Variants in CCDC27 observed in about 807,000 individuals in gnomAD.
CCDC27 encodes coiled-coil domain-containing protein 27.
CCDC27 carries 80 observed loss-of-function variants against 80.3 expected under a neutral mutation model. That is an observed-to-expected ratio of 1.00 (90% CI 0.83 to 1.20). CCDC27 has a LOEUF of 1.20. CCDC27 is among the 50% of genes most tolerant of loss of function. CCDC27 has a pLI of 0.00. For missense variants in CCDC27, 815 were observed against 809.4 expected, an observed-to-expected ratio of 1.01 and a Z score of -0.08; for synonymous variants, 342 against 334.3, an observed-to-expected ratio of 1.02 and a Z score of -0.25.
rs1279174777 is a variant in CCDC27, at chr1:3,763,862, C to T, written c.1452+26C>T. 1 of 1,609,844 alleles carries T rather than the reference C, an allele frequency of 6.2e-7. No individual in the cohort carries two copies. The highest frequency in any genetic ancestry group is 8.5e-7 in the Non-Finnish European group (1 of 1,177,306). ...GTGGCCGTGCGCTCAGTACCGGCCT[C>T]CGCTCCATGAGCATGGGCCCCAGGC... On this transcript the variant is annotated intron_variant, in intron 8 of 11. Transcript: ENST00000294600. This position sits in a 1 kb window ranked among gnomAD's most constrained non-coding sequence, Gnocchi z 7.5.
intron 3 of CCDC27, 99 bp from the exon 4 acceptor site, chr1:3,756,634 G>A (rs373078456): frequency 1.1e-5 from 14 of 1,322,876 alleles, no homozygotes; most frequent in South Asian, 2.6e-5. Flanking sequence ...AGGGGTTTCC[G>A]AGGGAAGTCT....
At position 3,752,566 on chromosome 1, in the gene CCDC27, T is replaced by TCCACATTCAGGC. The variant is rs746254354; in HGVS notation, c.86_97dup (p.Arg32_Gln33insProThrPheArg). ...AAAGCCGGGCCTGTCCTCATTCAGG[T>TCCACATTCAGGC]CCACATTCAGGCAACAAAGCTCACT... On this transcript the variant is annotated inframe_insertion, in exon 1 of 12. Transcript: ENST00000294600. 5 of 1,614,094 alleles carry TCCACATTCAGGC rather than the reference T, an allele frequency of 3.1e-6. No individual in the cohort carries two copies. The East Asian group carries it at 1.1e-4, about 36-fold the overall frequency.
At chr1:3,765,618 CTT>C (rs377129374) in intron 8 of CCDC27, among the ~76,000 whole-genome samples, 114 of 152,268 alleles carry the variant, frequency 7.5e-4, no homozygotes, top group African/African-American at 2.7e-3. Flanking sequence ...GAAGCGCACT[CTT>C]GTTTGGCTTC....
At chr1:3,757,165 A>G (rs1405827291) in intron 4 of CCDC27, 5 of 297,072 alleles carry the variant, frequency 1.7e-5, no homozygotes, top group Non-Finnish European at 3.2e-5. Context: ...TTGCACCCAC[A>G]GTATCTGCTT....
At chr1:3,767,519 C>A in intron 10 of CCDC27, 74 bp downstream of exon 10, 1 of 1,360,634 alleles carries the variant, frequency 7.3e-7, no homozygotes, top group Non-Finnish European at 1.0e-6. Context: ...TGCCCACCGC[C>A]CACCGAGGTA....
intron 11 of CCDC27, 106 bp from the exon 12 acceptor site, chr1:3,771,295 A>G: frequency 7.2e-7 from 1 of 1,389,088 alleles, no homozygotes; most frequent in Non-Finnish European, 1.0e-6. Context: ...CTGGAGGAGG[A>G]GGAGAGGGTG....
At position 3,754,232 on chromosome 1, in the gene CCDC27, T is replaced by C; in HGVS notation, c.433T>C (p.Ser145Pro). 1.2e-6 allele frequency: 2 copies of C among 1,606,670 alleles called. No individual in the cohort carries two copies. The highest frequency in any genetic ancestry group is 1.7e-6 in the Non-Finnish European group (2 of 1,176,752). ...PQFSTRATSM[S>P]HCGSPTEADL... Reference sequence around the variant, plus strand: ...GTTCAGCACCAGGGCCACATCCATGTCCCACTGTGGTAAGAGCCCCCCACC... The same window carrying C: ...GTTCAGCACCAGGGCCACATCCATGCCCCACTGTGGTAAGAGCCCCCCACC... The change falls in exon 2 of 12, where the codon TCC becomes CCC. Residue 145 changes from serine to proline, a missense_variant. By Grantham distance (74) the Ser-to-Pro change is moderately conservative. Coordinates refer to ENST00000294600, the MANE Select transcript of CCDC27 (RefSeq NM_152492.3).
At chr1:3,755,765 C>T in intron 3 of CCDC27, 198 bp downstream of exon 3, 1 of 580,150 alleles carries the variant, frequency 1.7e-6, no homozygotes, top group Non-Finnish European at 3.1e-6. Context: ...GGCTGCAGTC[C>T]CCCCAGGACC....
intron 8 of CCDC27, among the ~76,000 whole-genome samples, chr1:3,764,339 G>A (rs183134811): frequency 1.2e-3 from 178 of 152,032 alleles, no homozygotes; most frequent in African/African-American, 4.1e-3. Context: ...CCTCTCATTC[G>A]CCCTCTCCTA....
At position 3,763,943 on chromosome 1, in the gene CCDC27, G is replaced by T. The variant is rs1643162790; in HGVS notation, c.1452+107G>T. 3 of 1,474,442 alleles carry T rather than the reference G, an allele frequency of 2.0e-6. No individual in the cohort carries two copies. Among genetic ancestry groups the T allele is most frequent in the Non-Finnish European group, 2.7e-6 (3 of 1,104,400 alleles). 91.3% of individuals were successfully genotyped at this position (1,474,442 alleles called of 1,614,324 possible). A position where few individuals can be genotyped will look rare whatever the true frequency, so the allele number is the denominator to read the frequency against. ...GCTGCCCGTCCCATCTACTGATGGA[G>T]ACTTTGAGCCTGGGGTGTCCAGGCA... On this transcript the variant is annotated intron_variant, in intron 8 of 11. Coordinates refer to ENST00000294600, the MANE Select transcript of CCDC27 (RefSeq NM_152492.3). This position sits in a 1 kb window ranked among gnomAD's most constrained non-coding sequence, Gnocchi z 7.5.
intron 4 of CCDC27, among the ~76,000 whole-genome samples, chr1:3,757,707 A>G (rs1365038313): frequency 6.6e-6 from 1 of 152,002 alleles, no homozygotes; most frequent in Non-Finnish European, 1.5e-5. Context: ...CAGATCCACG[A>G]GGTCAGGAGA....
At position 3,763,551 on chromosome 1, in the gene CCDC27, G is replaced by T; in HGVS notation, c.1321+77G>T. 6.5e-7 allele frequency: 1 copy of T among 1,549,138 alleles called. No individual in the cohort carries two copies. Among genetic ancestry groups the T allele is most frequent in the African/African-American group, 1.4e-5 (1 of 73,378 alleles). ...CCAGGAGCTGGGACGCCCAGACGCT[G>T]CCTGCTCTGGTCAGTGAGCTGGAGC... On this transcript the variant is annotated intron_variant, in intron 7 of 11. Coordinates refer to ENST00000294600, the MANE Select transcript of CCDC27 (RefSeq NM_152492.3). The surrounding 1 kb of genome is among the most constrained non-coding windows in gnomAD (Gnocchi z 7.5).
At chr1:3,755,278 G>A (rs1319552837) in intron 2 of CCDC27, among the ~76,000 whole-genome samples, 179 bp from the exon 3 acceptor site, 1 of 152,202 alleles carries the variant, frequency 6.6e-6, no homozygotes, top group Non-Finnish European at 1.5e-5. Flanking sequence ...GGAGACACCA[G>A]GGCAGGCAGG....
chr1:3,765,841 A>C (rs1222085993), intron 8 of CCDC27, among the ~76,000 whole-genome samples: 1 of 150,228 alleles, frequency 6.7e-6, no homozygotes, highest in Non-Finnish European at 1.5e-5. Flanking sequence ...TGGCATTTTA[A>C]TGGAGAGTTT....
At chr1:3,755,790 T>G (rs1003459199) in intron 3 of CCDC27, 1 of 535,928 alleles carries the variant, frequency 1.9e-6, no homozygotes, top group African/African-American at 1.9e-5. Context: ...CCCCTTGTCT[T>G]TAGTAAAAAT....
At position 3,761,859 on chromosome 1, in the gene CCDC27, C is replaced by G. The variant is rs754489708; in HGVS notation, c.861+429C>G. 7.2e-5 allele frequency among the ~76,000 whole-genome samples: 11 copies of G among 151,890 alleles called. No homozygotes were observed. Among genetic ancestry groups the G allele is most frequent in the African/African-American group, 2.7e-4 (11 of 41,384 alleles). On this transcript the variant is annotated intron_variant, in intron 5 of 11. Coordinates refer to ENST00000294600, the MANE Select transcript of CCDC27 (RefSeq NM_152492.3). This position sits in a 1 kb window ranked among gnomAD's most constrained non-coding sequence, Gnocchi z 5.0. ...GAGGCCACCCTGCAGGCGGATTCCC[C>G]GGGCCTGGCTCTGTGCATCATCTGC...
rs767384553 is a variant in CCDC27 at position 3,762,569 on chromosome 1, G to A, written c.862-51G>A. On this transcript the variant is annotated intron_variant, in intron 5 of 11. Coordinates refer to ENST00000294600, the MANE Select transcript of CCDC27 (RefSeq NM_152492.3). ...TAGGACAGGCAGTGGTCTGTCCCTG[G>A]GGTGCTGCAGGAGGGGCTGGAAAGC... 7.7e-6 allele frequency: 11 copies of A among 1,431,150 alleles called. No individual in the cohort carries two copies. In the South Asian group the frequency reaches 1.4e-4, roughly 18 times the overall value. The allele number at this position is 1,431,150 out of a possible 1,614,324, so 88.7% of individuals were successfully genotyped here.
In CCDC27 at chr1:3,762,583, G is replaced by A. The variant is rs376711772; in HGVS notation, c.862-37G>A. ...GTCTGTCCCTGGGGTGCTGCAGGAG[G>A]GGCTGGAAAGCTGAGGGTCCCACGG... On this transcript the variant is annotated intron_variant, in intron 5 of 11. Coordinates refer to ENST00000294600, the MANE Select transcript of CCDC27 (RefSeq NM_152492.3). The A allele has an allele frequency of 3.8e-4, 575 of 1,521,510 alleles. 2 individuals carry two copies. The African/African-American group carries it at 6.3e-3, about 17-fold the overall frequency. The allele number at this position is 1,521,510 out of a possible 1,614,324, so 94.3% of individuals were successfully genotyped here.
intron 1 of CCDC27, 82 bp from the exon 2 acceptor site, chr1:3,754,036 A>G: frequency 1.3e-6 from 2 of 1,558,168 alleles, no homozygotes; most frequent in South Asian, 2.4e-5. Context: ...GTGATGGTTT[A>G]GGGAAACAGG....
Sources: allele counts gnomAD v4.1 joint callset (sites outside exome capture counted in the v4.1 genomes callset), GRCh38; gene constraint gnomAD v4.1.1; non-coding constraint Gnocchi (gnomAD v3.1); transcripts MANE v1.5; gene names NCBI Gene and HGNC (gene_info 2026-07-23, HGNC 2026-07-21).